The following RP2 variants were observed in gnomAD, a reference collection of about 807,000 sequenced individuals.
RP2 encodes protein XRP2.
A neutral mutation model predicts 20.3 loss-of-function variants in RP2; 3 were observed. That is an observed-to-expected ratio of 0.15 (90% confidence interval 0.07 to 0.38). The LOEUF (loss-of-function observed/expected upper bound fraction) is 0.38, where lower values mean the gene tolerates loss of function less well. Ranked by LOEUF, RP2 falls within the 10% of genes least tolerant of loss-of-function variation. The pLI is 1.00. For missense variants in RP2, 233 were observed against 268.5 expected (o/e 0.87, Z 0.92); for synonymous variants, 75 against 94.8 (o/e 0.79, Z 1.22).
At position 46,861,367 on chromosome X, in the gene RP2, T is replaced by C. The variant is rs143808805; in HGVS notation, c.883+1265T>C. ...TAAAATGTTCTATTGCTGCAAAAAG[T>C]AGAACTAAAACCAATAAGCAGATGT... On this transcript the variant is annotated intron_variant, in intron 3 of 4. Coordinates refer to ENST00000218340, the MANE Select transcript of RP2 (RefSeq NM_006915.3). 9.5e-3 allele frequency among the ~76,000 whole-genome samples: 1,066 copies of C among 111,817 alleles called. 15 individuals are homozygous for C. The highest frequency in any genetic ancestry group is 0.033 in the African/African-American group (1,003 of 30,762).
Position 46,874,825 on chromosome X carries a change from G to GT in RP2, c.884-2668dup, listed in dbSNP as rs1234650461. 1.9e-3 allele frequency among the ~76,000 whole-genome samples: 189 copies of GT among 101,341 alleles called. 2 individuals carry two copies. Among genetic ancestry groups the GT allele is most frequent in the African/African-American group, 2.8e-3 (78 of 28,185 alleles). The allele number at this position is 101,341 out of a possible 115,157, so 88.0% of individuals were successfully genotyped here. A position where few individuals can be genotyped will look rare whatever the true frequency, so the allele number is the denominator to read the frequency against. ...AAAATAGACCCACTTACTGTATTTG[G>GT]TTTTTTTTTTTTAATCTTCTATCGC... On this transcript the variant is annotated intron_variant, in intron 3 of 4. Transcript: ENST00000218340.
rs966114702 is a variant in RP2, at chrX:46,867,293, G to A, written c.883+7191G>A. ...TTTTTGTATTTTTAGTAGAGATGGCGTTTCACCATGCTGGCCAGGCTGGTC... is the reference window on the plus strand; with the variant it reads ...TTTTTGTATTTTTAGTAGAGATGGCATTTCACCATGCTGGCCAGGCTGGTC... On this transcript the variant is annotated intron_variant, in intron 3 of 4. Transcript: ENST00000218340. 1.6e-4 allele frequency among the ~76,000 whole-genome samples: 18 copies of A among 112,217 alleles called. No individual in the cohort carries two copies. The East Asian group carries it at 2.5e-3, about 16-fold the overall frequency.
chrX:46,854,204 A>C, intron 2 of RP2, 63 bp downstream of exon 2: 1 of 1,072,409 alleles, frequency 9.3e-7, no homozygotes, highest in Admixed American at 2.3e-5. Flanking sequence ...ACTCTGGAGT[A>C]CTTCCATTCT....
chrX:46,862,839 C>T (rs1188248644), intron 3 of RP2, among the ~76,000 whole-genome samples: 2 of 111,997 alleles, frequency 1.8e-5, no homozygotes, highest in African/African-American at 3.3e-5. Context: ...TTGAAAAATA[C>T]ACAACATCAT....
chrX:46,847,684 CTA>C (rs1269564655), intron 1 of RP2, among the ~76,000 whole-genome samples: 4 of 83,794 alleles, frequency 4.8e-5, no homozygotes, highest in African/African-American at 1.0e-4. Context: ...ATCGATCACA[CTA>C]TATATATGTG....
chrX:46,847,822 GTATATGTGTATATATGTGTGTA>G (rs1296304115), intron 1 of RP2, among the ~76,000 whole-genome samples: 1 of 91,641 alleles, frequency 1.1e-5, no homozygotes, highest in African/African-American at 4.2e-5. Context: ...ACATATATGT[GTATATGTGTATATATGTGTGTA>G]TATATGTGTA....
At position 46,877,578 on chromosome X, in the gene RP2, C is replaced by T. The variant is rs781970360; in HGVS notation, c.957C>T (p.Phe319=). 8 of 1,168,420 alleles carry T rather than the reference C, an allele frequency of 6.8e-6. No individual in the cohort carries two copies. The Admixed American group carries it at 1.8e-4, about 26-fold the overall frequency. ...EVCQLIVNEI[F]NGTKMFVSES... ...GTCAACTTATTGTAAACGAGATATT[C>T]AATGGGACCAAGGTACAAGATTTTA... Residue 319 remains phenylalanine (F), a synonymous_variant, in exon 4 of 5, where the codon TTC becomes TTT. Coordinates refer to ENST00000218340, the MANE Select transcript of RP2 (RefSeq NM_006915.3).
chrX:46,852,465 C>T (rs1451640558), intron 1 of RP2, among the ~76,000 whole-genome samples: 8 of 112,208 alleles, frequency 7.1e-5, no homozygotes, highest in Non-Finnish European at 5.6e-5. Flanking sequence ...CTTCTGTTTT[C>T]TGTAGCATAT....
At chrX:46,870,773 T>C (rs1381815511) in intron 3 of RP2, among the ~76,000 whole-genome samples, 2 of 111,498 alleles carry the variant, frequency 1.8e-5, no homozygotes, top group African/African-American at 6.5e-5. Flanking sequence ...ACTGCAAGCA[T>C]TGATTTGGGG....
intron 1 of RP2, among the ~76,000 whole-genome samples, chrX:46,841,243 A>G: frequency 8.9e-6 from 1 of 111,885 alleles, no homozygotes; most frequent in East Asian, 2.8e-4. Context: ...TTAGGGTGGT[A>G]ATCTGCTAGA....
chrX:46,852,113 C>T (rs1192178704), intron 1 of RP2, among the ~76,000 whole-genome samples: 1 of 110,430 alleles, frequency 9.1e-6, no homozygotes, highest in Non-Finnish European at 1.9e-5. Flanking sequence ...GAGGCTGAGG[C>T]GGAGAATGGC....
intron 1 of RP2, among the ~76,000 whole-genome samples, chrX:46,852,732 G>A (rs782334192): frequency 1.2e-3 from 130 of 110,232 alleles, no homozygotes; most frequent in Admixed American, 5.6e-3. Context: ...ACAGACATGC[G>A]CCACCACGCC....
At chrX:46,847,734 ATACACACATATGTGTG>A (rs1924751412) in intron 1 of RP2, among the ~76,000 whole-genome samples, 1 of 96,244 alleles carries the variant, frequency 1.0e-5, no homozygotes, top group South Asian at 4.8e-4. Context: ...GTGTGTGTAT[ATACACACATATGTGTG>A]TGTGTATATA....
At chrX:46,868,095 G>A (rs1199562334) in intron 3 of RP2, among the ~76,000 whole-genome samples, 3 of 111,884 alleles carry the variant, frequency 2.7e-5, no homozygotes, top group Non-Finnish European at 5.6e-5. Flanking sequence ...GTTTTTGAGT[G>A]TACATAACTT....
In RP2 at chrX:46,847,717, T is replaced by TATATGTGTGTGTGTATATACACAC. The variant is rs1173671578; in HGVS notation, c.103-5732_103-5709dup. 3.0e-3 allele frequency among the ~76,000 whole-genome samples: 206 copies of TATATGTGTGTGTGTATATACACAC among 67,926 alleles called. 2 individuals are homozygous for TATATGTGTGTGTGTATATACACAC. Among genetic ancestry groups the TATATGTGTGTGTGTATATACACAC allele is most frequent in the African/African-American group, 0.011 (179 of 16,926 alleles). 59.0% of individuals were successfully genotyped at this position (67,926 alleles called of 115,157 possible). ...ATGTGTGTGTGTATATATACACACA[T>TATATGTGTGTGTGTATATACACAC]ATATGTGTGTGTGTATATACACACA... is the stretch of plus-strand genomic sequence containing the variant. On this transcript the variant is annotated intron_variant, in intron 1 of 4. Coordinates refer to ENST00000218340, the MANE Select transcript of RP2 (RefSeq NM_006915.3).
At chrX:46,838,102 G>A (rs1924548647) in intron 1 of RP2, among the ~76,000 whole-genome samples, 1 of 112,124 alleles carries the variant, frequency 8.9e-6, no homozygotes, top group Admixed American at 9.5e-5. Flanking sequence ...TTTCAAATGG[G>A]TATTATGAAC....
At chrX:46,860,942 G>A (rs1215917761) in intron 3 of RP2, among the ~76,000 whole-genome samples, 1 of 111,999 alleles carries the variant, frequency 8.9e-6, no homozygotes, top group Admixed American at 9.5e-5. Context: ...AAGTAATGCT[G>A]GGTGTAACTC....
intron 3 of RP2, among the ~76,000 whole-genome samples, chrX:46,863,145 T>C (rs1052233583): frequency 1.5e-4 from 17 of 111,740 alleles, no homozygotes; most frequent in African/African-American, 5.5e-4. Flanking sequence ...GTAAAAAGCA[T>C]TTTTGGGACA....
At chrX:46,875,370 ACTC>A (rs1433015735) in intron 3 of RP2, among the ~76,000 whole-genome samples, 1 of 107,219 alleles carries the variant, frequency 9.3e-6, no homozygotes, top group Admixed American at 1.0e-4. Flanking sequence ...TGTTAACAGA[ACTC>A]CTCGTATGCC....
Sources: allele counts gnomAD v4.1 joint callset (sites outside exome capture counted in the v4.1 genomes callset), GRCh38; gene constraint gnomAD v4.1.1; transcripts MANE v1.5; gene names NCBI Gene and HGNC (gene_info 2026-07-23, HGNC 2026-07-21).